Variants in GTF2F2 observed in about 807,000 individuals in gnomAD.
The protein encoded by GTF2F2 is ATP-dependent helicase GTF2F2.
Under a neutral mutation model 42.2 loss-of-function variants are expected in GTF2F2, and 23 were observed. That is an observed-to-expected ratio of 0.55 (90% confidence interval 0.39 to 0.77). GTF2F2 has a LOEUF of 0.77. Among genes scored for constraint, GTF2F2 ranks in the 30% least tolerant of loss-of-function variants. The probability of loss-of-function intolerance (pLI) is 0.00; values close to 1 mark genes in which losing one functional copy is unlikely to be tolerated. For missense variants in GTF2F2, 261 were observed against 287.2 expected, an observed-to-expected ratio of 0.91 and a Z score of 0.66; for synonymous variants, 105 against 100.8, an observed-to-expected ratio of 1.04 and a Z score of -0.25.
At chr13:45,130,116 G>A (rs900085490) in intron 1 of GTF2F2, among the ~76,000 whole-genome samples, 1 of 152,240 alleles carries the variant, frequency 6.6e-6, no homozygotes, top group African/African-American at 2.4e-5. Flanking sequence ...AGACATTATA[G>A]GAGTTTTCTT....
intron 4 of GTF2F2, among the ~76,000 whole-genome samples, chr13:45,188,557 G>A (rs1478901882): frequency 6.6e-6 from 1 of 152,160 alleles, no homozygotes; most frequent in African/African-American, 2.4e-5. Flanking sequence ...AGTTCATGAA[G>A]GTGAAGTACT....
intron 2 of GTF2F2, among the ~76,000 whole-genome samples, chr13:45,142,715 G>C (rs1869991708): frequency 6.6e-6 from 1 of 152,100 alleles, no homozygotes; most frequent in African/African-American, 2.4e-5. Context: ...TTGCCTAGTT[G>C]GTCTCCTGGC....
intron 5 of GTF2F2, among the ~76,000 whole-genome samples, chr13:45,213,204 G>A (rs1256493713): frequency 2.0e-5 from 3 of 151,082 alleles, no homozygotes; most frequent in African/African-American, 7.3e-5. Context: ...TCAGCCTCCC[G>A]AGTAGCTGGG....
chr13:45,157,707 G>T (rs1049763656), intron 4 of GTF2F2, among the ~76,000 whole-genome samples: 6 of 152,108 alleles, frequency 3.9e-5, no homozygotes, highest in East Asian at 1.9e-4. Flanking sequence ...CGAGTAGCTG[G>T]AACTACAGTC....
In GTF2F2 at chr13:45,190,907, C is replaced by T. The variant is rs115673457; in HGVS notation, c.305-16517C>T. Among the ~76,000 whole-genome samples the T allele has an allele frequency of 6.6e-3, 958 of 144,616 alleles. 12 individuals carry two copies. Among genetic ancestry groups the T allele is most frequent in the African/African-American group, 0.024 (916 of 38,674 alleles). 94.9% of individuals were successfully genotyped at this position (144,616 alleles called of 152,430 possible). On this transcript the variant is annotated intron_variant, in intron 4 of 7. Coordinates refer to ENST00000340473, the MANE Select transcript of GTF2F2 (RefSeq NM_004128.3). ...CTGGGATTACAAGTGTATGCCACCA[C>T]GTGTGGCAAATTGAAATACAAGTAA... is the stretch of plus-strand genomic sequence containing the variant.
chr13:45,199,989 G>C (rs1249201453), intron 4 of GTF2F2, among the ~76,000 whole-genome samples: 2 of 152,102 alleles, frequency 1.3e-5, no homozygotes, highest in Non-Finnish European at 2.9e-5. Flanking sequence ...ATAAACTAGG[G>C]ATGGAGAACT....
At chr13:45,134,938 T>C (rs1259041814) in intron 1 of GTF2F2, among the ~76,000 whole-genome samples, 3 of 151,956 alleles carry the variant, frequency 2.0e-5, no homozygotes, top group African/African-American at 7.3e-5. Context: ...GACTGGACTC[T>C]AGTATATTGT....
At chr13:45,185,384 G>C (rs1872369949) in intron 4 of GTF2F2, among the ~76,000 whole-genome samples, 1 of 152,152 alleles carries the variant, frequency 6.6e-6, no homozygotes, top group Admixed American at 6.5e-5. Context: ...ATCTCAATGT[G>C]TTAGATTTTG....
chr13:45,256,184 A>T (rs1876095696), intron 6 of GTF2F2, among the ~76,000 whole-genome samples: 1 of 152,106 alleles, frequency 6.6e-6, no homozygotes, highest in African/African-American at 2.4e-5. Flanking sequence ...CACAGTGAGC[A>T]CGTATTGCCT....
chr13:45,275,694 G>T (rs1157277971), intron 7 of GTF2F2, among the ~76,000 whole-genome samples: 1 of 152,024 alleles, frequency 6.6e-6, no homozygotes, highest in African/African-American at 2.4e-5. Context: ...TCTTAATCCA[G>T]TCTATCATTG....
At chr13:45,272,619 C>T (rs1876846448) in intron 7 of GTF2F2, among the ~76,000 whole-genome samples, 1 of 151,392 alleles carries the variant, frequency 6.6e-6, no homozygotes. Flanking sequence ...TGGTGCACAC[C>T]TGTAGTCCCA....
At chr13:45,241,205 A>C (rs904039023) in intron 5 of GTF2F2, among the ~76,000 whole-genome samples, 6 of 144,528 alleles carry the variant, frequency 4.2e-5, no homozygotes, top group African/African-American at 7.9e-5. Context: ...ATATATATAT[A>C]TCTGCATTCT....
At chr13:45,133,489 GA>G (rs893055516) in intron 1 of GTF2F2, among the ~76,000 whole-genome samples, 2 of 152,126 alleles carry the variant, frequency 1.3e-5, no homozygotes, top group Non-Finnish European at 2.9e-5. Flanking sequence ...ATAGGGAGAA[GA>G]AAAACAAATT....
chr13:45,163,740 T>C (rs1247585547), intron 4 of GTF2F2, among the ~76,000 whole-genome samples: 1 of 152,208 alleles, frequency 6.6e-6, no homozygotes, highest in Non-Finnish European at 1.5e-5. Flanking sequence ...GGTACCATTA[T>C]CAAAATTTAA....
Position 45,151,911 on chromosome 13 carries a change from C to CTT in GTF2F2, c.304+100_304+101dup, listed in dbSNP as rs773005628. 8.3e-3 allele frequency: 1,176 copies of CTT among 142,146 alleles called. 65 individuals are homozygous for CTT. Among genetic ancestry groups the CTT allele is most frequent in the African/African-American group, 0.035 (762 of 21,948 alleles). The allele number at this position is 142,146 out of a possible 1,614,324, so 8.8% of individuals were successfully genotyped here. On this transcript the variant is annotated intron_variant, in intron 4 of 7. Coordinates refer to ENST00000340473, the MANE Select transcript of GTF2F2 (RefSeq NM_004128.3). The stretch of plus-strand genomic sequence containing the variant: ...CTGTCTCAACATACACTCCTATTTG[C>CTT]TTTTTTTTTTTTTTTTTTTTTGCGA...
intron 6 of GTF2F2, among the ~76,000 whole-genome samples, chr13:45,261,281 C>T (rs936771678): frequency 3.3e-5 from 5 of 151,846 alleles, no homozygotes; most frequent in Non-Finnish European, 5.9e-5. Context: ...AAAAAATTAG[C>T]TGGGTGTGGT....
At chr13:45,273,105 T>C (rs1876872486) in intron 7 of GTF2F2, among the ~76,000 whole-genome samples, 1 of 151,764 alleles carries the variant, frequency 6.6e-6, no homozygotes, top group Non-Finnish European at 1.5e-5. Flanking sequence ...TTCGTATTTT[T>C]TTAGTAGAGA....
intron 6 of GTF2F2, among the ~76,000 whole-genome samples, chr13:45,255,086 A>T (rs1876044855): frequency 6.6e-6 from 1 of 150,628 alleles, no homozygotes; most frequent in Admixed American, 6.6e-5. Context: ...GAATCGCCTG[A>T]ACCCAGGAGG....
Position 45,254,067 on chromosome 13 carries a change from C to T in GTF2F2, c.486+1097C>T, listed in dbSNP as rs1875988797. 8.3e-5 allele frequency among the ~76,000 whole-genome samples: 11 copies of T among 131,830 alleles called. 1 individual carries two copies. In the South Asian group the frequency reaches 2.6e-3, roughly 31 times the overall value. 86.5% of individuals were successfully genotyped at this position (131,830 alleles called of 152,430 possible). On this transcript the variant is annotated intron_variant, in intron 6 of 7. Coordinates refer to ENST00000340473, the MANE Select transcript of GTF2F2 (RefSeq NM_004128.3). ...ACAGAGTGACAGAGCGAGACTCCGT[C>T]TCAAAAAAAAAAAAAAAAAGAAAGA...
Sources: gnomAD v4.1 joint callset for allele counts (sites outside exome capture counted in the v4.1 genomes callset) on GRCh38, gnomAD v4.1.1 for gene constraint, MANE v1.5 for transcripts, NCBI Gene and HGNC (gene_info 2026-07-23, HGNC 2026-07-21) for gene names.